The following ADAM12 variants were observed in gnomAD, a reference collection of about 807,000 sequenced individuals.
The protein encoded by ADAM12 is ADAM metallopeptidase domain 12.
A neutral mutation model predicts 106.4 loss-of-function variants in ADAM12; 70 were observed. The observed-to-expected ratio is 0.66, with a 90% CI of 0.54 to 0.80. The LOEUF (loss-of-function observed/expected upper bound fraction) is 0.80, where lower values mean the gene tolerates loss of function less well. ADAM12 is among the 30% of genes least tolerant of loss of function. ADAM12 has a pLI of 0.00. For missense variants in ADAM12, 1,010 were observed against 1,171.9 expected (o/e 0.86, Z 2.02); for synonymous variants, 420 against 433.5 (o/e 0.97, Z 0.39).
At chr10:126,363,543 C>T (rs1257742410) in intron 1 of ADAM12, among the ~76,000 whole-genome samples, 2 of 152,138 alleles carry the variant, frequency 1.3e-5, no homozygotes, top group East Asian at 3.8e-4. Flanking sequence ...ACCTCCTTCC[C>T]CAGTTTGCTT....
At position 126,065,002 on chromosome 10, in the gene ADAM12, C is replaced by A; in HGVS notation, c.1414-1G>T. 6.2e-7 allele frequency: 1 copy of A among 1,607,610 alleles called. No individual in the cohort carries two copies. Among genetic ancestry groups the A allele is most frequent in the Non-Finnish European group, 8.5e-7 (1 of 1,176,984 alleles). On this transcript the variant is annotated splice_acceptor_variant, in intron 13 of 22. Coordinates refer to ENST00000448723, the MANE Select transcript of ADAM12 (RefSeq NM_001288973.2). LOFTEE classifies it high-confidence loss of function. ...TGCACGCTGTTCCTGCAGGCTTCAGCTGGAAGGAGAGGGCCATTTATGACA... is the reference window on the plus strand; with the variant it reads ...TGCACGCTGTTCCTGCAGGCTTCAGATGGAAGGAGAGGGCCATTTATGACA...
chr10:126,354,065 G>A (rs1855457499), intron 1 of ADAM12, among the ~76,000 whole-genome samples: 2 of 148,000 alleles, frequency 1.4e-5, no homozygotes, highest in Admixed American at 1.3e-4. Context: ...AAAGATATTT[G>A]CATTTCTTTA....
chr10:126,247,369 G>T (rs1016960119), intron 3 of ADAM12, among the ~76,000 whole-genome samples: 3 of 152,154 alleles, frequency 2.0e-5, no homozygotes, highest in African/African-American at 7.2e-5. Context: ...CCACTCAAGT[G>T]CAATGTCAAC....
intron 2 of ADAM12, among the ~76,000 whole-genome samples, chr10:126,325,213 A>G (rs2133841905): frequency 6.6e-6 from 1 of 152,372 alleles, no homozygotes; most frequent in East Asian, 1.9e-4. Flanking sequence ...GGGAATGGGT[A>G]TCAAGATAAG....
intron 10 of ADAM12, among the ~76,000 whole-genome samples, chr10:126,095,777 GC>G (rs906528706): frequency 6.6e-6 from 1 of 151,954 alleles, no homozygotes; most frequent in Non-Finnish European, 1.5e-5. Flanking sequence ...TATCAGGTGT[GC>G]CCCCCTACCT....
intron 21 of ADAM12, among the ~76,000 whole-genome samples, chr10:126,020,765 C>T (rs999403556): frequency 1.6e-4 from 24 of 151,906 alleles, no homozygotes; most frequent in South Asian, 1.2e-3. Flanking sequence ...CCGAGGCGGG[C>T]GGATCACCTG....
chr10:126,160,829 T>C (rs1299319957), intron 3 of ADAM12, among the ~76,000 whole-genome samples: 3 of 152,238 alleles, frequency 2.0e-5, no homozygotes, highest in Non-Finnish European at 4.4e-5. Context: ...CTCATGCTAC[T>C]CTAGCCAACA....
chr10:126,052,400 C>A (rs926250482), intron 14 of ADAM12, among the ~76,000 whole-genome samples: 1 of 152,334 alleles, frequency 6.6e-6, no homozygotes, highest in East Asian at 1.9e-4. Context: ...TGCCATTGCA[C>A]GCAATGCTAT....
intron 3 of ADAM12, among the ~76,000 whole-genome samples, chr10:126,197,795 T>G (rs1287718150): frequency 6.6e-6 from 1 of 152,010 alleles, no homozygotes; most frequent in East Asian, 1.9e-4. Flanking sequence ...CAGAGAGAAG[T>G]GATGCTGGTA....
In ADAM12 at chr10:126,386,240, G is replaced by A. The variant is rs569093404; in HGVS notation, c.88+1818C>T. The stretch of plus-strand genomic sequence containing the variant: ...GGTTCTGTTTTGGACTTGTTAGGCC[G>A]AGTTGCCCCAGAAAGTACCAAGTAG... On this transcript the variant is annotated intron_variant, in intron 1 of 22. Coordinates refer to ENST00000448723, the MANE Select transcript of ADAM12 (RefSeq NM_001288973.2). 6.6e-5 allele frequency among the ~76,000 whole-genome samples: 10 copies of A among 152,290 alleles called. No individual in the cohort carries two copies. The South Asian group carries it at 1.7e-3, about 25-fold the overall frequency.
In ADAM12 at chr10:126,131,190, G is replaced by A. The variant is rs140021175; in HGVS notation, c.416+4394C>T. 3.4e-4 allele frequency among the ~76,000 whole-genome samples: 50 copies of A among 145,716 alleles called. 1 individual carries two copies. The South Asian group carries it at 4.0e-3, about 12-fold the overall frequency. Reference sequence around the variant, plus strand: ...TCACCCCTTCCCTGCTCCCTGCCTCGGGGACCCTGGGTGCAGTTTTCCCTC... The same window carrying A: ...TCACCCCTTCCCTGCTCCCTGCCTCAGGGACCCTGGGTGCAGTTTTCCCTC... On this transcript the variant is annotated intron_variant, in intron 5 of 22. Coordinates refer to ENST00000448723, the MANE Select transcript of ADAM12 (RefSeq NM_001288973.2).
In ADAM12 at chr10:126,106,596, C is replaced by T. The variant is rs189941209; in HGVS notation, c.741+1997G>A. Among the ~76,000 whole-genome samples, 593 of 151,772 alleles carry T rather than the reference C, an allele frequency of 3.9e-3. 5 individuals are homozygous for T. Among genetic ancestry groups the T allele is most frequent in the African/African-American group, 0.014 (565 of 41,360 alleles). On this transcript the variant is annotated intron_variant, in intron 8 of 22. Coordinates refer to ENST00000448723, the MANE Select transcript of ADAM12 (RefSeq NM_001288973.2). ...TGCTTCCCGGGTTCAAGCAATTCTC[C>T]TGCCTCAGCCTCCCGAGTAGCTGGG...
intron 13 of ADAM12, among the ~76,000 whole-genome samples, chr10:126,065,929 A>G (rs1020395430): frequency 2.0e-5 from 3 of 152,158 alleles, no homozygotes; most frequent in African/African-American, 7.2e-5. Context: ...AACATTCCCC[A>G]GAAGTTAATC....
chr10:126,348,158 C>A (rs1266026934), intron 1 of ADAM12, among the ~76,000 whole-genome samples: 1 of 152,178 alleles, frequency 6.6e-6, no homozygotes, highest in Admixed American at 6.5e-5. Context: ...GAAAAAGAAA[C>A]CTCTTCTGAA....
rs184705382 is a variant in ADAM12, at chr10:126,230,717, G to A, written c.260+48198C>T. On this transcript the variant is annotated intron_variant, in intron 3 of 22. Coordinates refer to ENST00000448723, the MANE Select transcript of ADAM12 (RefSeq NM_001288973.2). Reference sequence around the variant, plus strand: ...TTGTCTTAAGCCCTTTTTAAATTCAGTGTGAACGTCTTTTGCTTCCTGATT... The same window carrying A: ...TTGTCTTAAGCCCTTTTTAAATTCAATGTGAACGTCTTTTGCTTCCTGATT... Among the ~76,000 whole-genome samples the A allele has an allele frequency of 7.2e-3, 1,097 of 152,264 alleles. 5 individuals carry two copies. Among genetic ancestry groups the A allele is most frequent in the Non-Finnish European group, 9.3e-3 (635 of 68,018 alleles).
intron 2 of ADAM12, among the ~76,000 whole-genome samples, chr10:126,329,433 G>A (rs1854424869): frequency 6.6e-6 from 1 of 152,258 alleles, no homozygotes; most frequent in Admixed American, 6.5e-5. Flanking sequence ...CCAATAGCAT[G>A]ATGGAATTTT....
intron 3 of ADAM12, among the ~76,000 whole-genome samples, chr10:126,171,482 G>A (rs1376830949): frequency 2.6e-5 from 4 of 152,136 alleles, no homozygotes; most frequent in Non-Finnish European, 4.4e-5. Context: ...GCATTCTAAC[G>A]TATTACTTAC....
At chr10:126,252,995 A>C (rs913922960) in intron 3 of ADAM12, among the ~76,000 whole-genome samples, 1 of 152,104 alleles carries the variant, frequency 6.6e-6, no homozygotes, top group African/African-American at 2.4e-5. Context: ...CCATGCTCTG[A>C]TATGTGCTCT....
At chr10:126,377,439 G>A (rs770436719) in intron 1 of ADAM12, among the ~76,000 whole-genome samples, 4 of 152,162 alleles carry the variant, frequency 2.6e-5, no homozygotes, top group Non-Finnish European at 5.9e-5. Flanking sequence ...TAGGCTGGGA[G>A]GCTAAGTCAG....
Sources: gnomAD v4.1 joint callset for allele counts (sites outside exome capture counted in the v4.1 genomes callset) on GRCh38, gnomAD v4.1.1 for gene constraint, MANE v1.5 for transcripts, NCBI Gene and HGNC (gene_info 2026-07-23, HGNC 2026-07-21) for gene names.